YLPM1: variants seen among roughly 807,000 people sequenced by gnomAD.
YLPM1 encodes the protein YLP motif-containing protein 1.
A neutral mutation model predicts 230.0 loss-of-function variants in YLPM1; 99 were observed. The ratio of observed to expected loss-of-function variants is 0.43; its 90% CI spans 0.37 to 0.51. The LOEUF (loss-of-function observed/expected upper bound fraction) is 0.51, where lower values mean the gene tolerates loss of function less well. YLPM1 is among the 20% of genes least tolerant of loss of function. The pLI is 0.00. For synonymous variants in YLPM1, 984 were observed against 942.5 expected (o/e 1.04, Z -0.81); for missense variants, 2,592 against 2,707.7 (o/e 0.96, Z 0.95).
chr14:74,781,767 C>A lies in YLPM1; in HGVS notation c.1724C>A (p.Pro575Gln). 1 of 1,613,198 alleles carries A rather than the reference C, an allele frequency of 6.2e-7. No homozygotes were observed. Among genetic ancestry groups the A allele is most frequent in the Non-Finnish European group, 8.5e-7 (1 of 1,179,692 alleles). ...CCTTCTCTACCAACCTCTGTTCCCC[C>A]ACCAGGGATGCCTCCTTCTCTCTCT... ...MPPSLPTSVP[P>Q]PGMPPSLSSA... Residue 575 changes from proline to glutamine, a missense_variant, in exon 4 of 21, where the codon CCA becomes CAA. Around this residue, in one of 4 missense-constraint regions of YLPM1, gnomAD observed 1,862 missense variants for 1,819.8 expected, o/e 1.02. Transcript: ENST00000325680.
chr14:74,795,853 A>G (rs1464884242), intron 4 of YLPM1, among the ~76,000 whole-genome samples: 1 of 152,236 alleles, frequency 6.6e-6, no homozygotes, highest in Non-Finnish European at 1.5e-5. Flanking sequence ...TTAGAAGTTT[A>G]TTCTCTCTTA....
intron 17 of YLPM1, among the ~76,000 whole-genome samples, chr14:74,823,760 C>A (rs1271237185): frequency 6.6e-6 from 1 of 152,030 alleles, no homozygotes; most frequent in Non-Finnish European, 1.5e-5. Context: ...GCCACCAATT[C>A]TTTTCCTTTC....
intron 4 of YLPM1, among the ~76,000 whole-genome samples, chr14:74,785,490 T>C (rs2091139118): frequency 6.6e-6 from 1 of 152,178 alleles, no homozygotes. Context: ...TACCCAGGCA[T>C]AGTTCTTTTT....
chr14:74,804,245 T>C (rs2140117825), intron 6 of YLPM1, among the ~76,000 whole-genome samples: 1 of 152,356 alleles, frequency 6.6e-6, no homozygotes, highest in Non-Finnish European at 1.5e-5. Flanking sequence ...ATACTCCACT[T>C]CAGGCAGCGT....
At chr14:74,768,772 C>G (rs1198161610) in intron 1 of YLPM1, among the ~76,000 whole-genome samples, 1 of 152,176 alleles carries the variant, frequency 6.6e-6, no homozygotes, top group Non-Finnish European at 1.5e-5. Flanking sequence ...CTTCTTGTTT[C>G]AGTTGTGGGG....
In YLPM1 at chr14:74,781,935, C is replaced by T; in HGVS notation, c.1892C>T (p.Pro631Leu). 1 of 1,613,854 alleles carries T rather than the reference C, an allele frequency of 6.2e-7. No individual in the cohort carries two copies. The highest frequency in any genetic ancestry group is 1.1e-5 in the South Asian group (1 of 91,072). Reference sequence around the variant, plus strand: ...CCATTGTCTTCAGCTACACCTCCTCCAGGAATACCTCCCCCTGGAGTTCCA... The same window carrying T: ...CCATTGTCTTCAGCTACACCTCCTCTAGGAATACCTCCCCCTGGAGTTCCA... The part of the protein sequence containing the change: ...LPPLSSATPP[P>L]GIPPPGVPQG... The change falls in exon 4 of 21, where the codon CCA becomes CTA. Residue 631 changes from proline (P) to leucine (L), a missense_variant. Physicochemically the swap from Pro to Leu is moderately conservative, Grantham distance 98. Transcript: ENST00000325680.
At chr14:74,830,621 T>C (rs1203520677) in intron 19 of YLPM1, among the ~76,000 whole-genome samples, 1 of 152,102 alleles carries the variant, frequency 6.6e-6, no homozygotes, top group East Asian at 1.9e-4. Context: ...AGATAAAAGG[T>C]TTATTTTGGC....
intron 17 of YLPM1, chr14:74,824,051 C>A (rs1031978173): frequency 1.8e-6 from 1 of 559,934 alleles, no homozygotes; most frequent in Non-Finnish European, 3.2e-6. Context: ...AGTGACTACT[C>A]TGAAATGTGG....
Position 74,798,637 on chromosome 14 carries a change from C to T in YLPM1, c.3340C>T (p.Pro1114Ser). 6.2e-7 allele frequency: 1 copy of T among 1,611,830 alleles called. No homozygotes were observed. The highest frequency in any genetic ancestry group is 8.5e-7 in the Non-Finnish European group (1 of 1,178,622). Residue 1114 changes from proline to serine, a missense_variant, in exon 5 of 21, where the codon CCT becomes TCT. By Grantham distance (74) the Pro-to-Ser change is moderately conservative (BLOSUM62 -1). Coordinates refer to ENST00000325680, the MANE Select transcript of YLPM1 (RefSeq NM_019589.3). ...GAAGSRERGPPRRAGSQERGP... is the reference protein window; with the variant it reads ...GAAGSRERGPSRRAGSQERGP... The stretch of plus-strand genomic sequence containing the variant: ...AGCTGGCAGCCGAGAAAGGGGACCA[C>T]CTCGGAGGGCTGGCAGTCAGGAGAG...
At chr14:74,805,182 G>A (rs1594831439) in intron 6 of YLPM1, among the ~76,000 whole-genome samples, 2 of 151,854 alleles carry the variant, frequency 1.3e-5, no homozygotes, top group East Asian at 3.9e-4. Flanking sequence ...ACCACACCTG[G>A]CTAAATTTTT....
intron 6 of YLPM1, among the ~76,000 whole-genome samples, chr14:74,805,275 C>T (rs561673514): frequency 6.6e-6 from 1 of 152,226 alleles, no homozygotes; most frequent in African/African-American, 2.4e-5. Flanking sequence ...CCTGCCTCAG[C>T]CTCCGAAAGT....
chr14:74,778,674 G>A lies in YLPM1; in HGVS notation c.1101G>A (p.Glu367=), dbSNP rs772293785. 1 of 1,565,570 alleles carries A rather than the reference G, an allele frequency of 6.4e-7. No individual in the cohort carries two copies. The highest frequency in any genetic ancestry group is 1.4e-5 in the African/African-American group (1 of 73,178). The change falls in exon 2 of 21, where the codon GAG becomes GAA. Residue 367 remains glutamate, a synonymous_variant. Coordinates refer to ENST00000325680, the MANE Select transcript of YLPM1 (RefSeq NM_019589.3). ...AAGTGCCACCTCCTCTCCCACCTGA[G>A]GAACCCCAGGTAACCATATAATTAA... is the stretch of plus-strand genomic sequence containing the variant. ...NEEVPPPLPP[E]EPQSEDPEED... is the part of the protein sequence containing the mutation.
chr14:74,779,327 C>G lies in YLPM1; in HGVS notation c.1110+644C>G, dbSNP rs533325189. ...TACCCAGGCTATAATCCAGGTACTG[C>G]CACTTGCCAGTAGTGACTGGGCAAA... On this transcript the variant is annotated intron_variant, in intron 2 of 20. Coordinates refer to ENST00000325680, the MANE Select transcript of YLPM1 (RefSeq NM_019589.3). Among the ~76,000 whole-genome samples, 6 of 152,266 alleles carry G rather than the reference C, an allele frequency of 3.9e-5. No homozygotes were observed. The South Asian group carries it at 1.0e-3, about 26-fold the overall frequency.
chr14:74,790,907 AGTCT>A (rs2091200440), intron 4 of YLPM1, among the ~76,000 whole-genome samples: 1 of 152,196 alleles, frequency 6.6e-6, no homozygotes, highest in African/African-American at 2.4e-5. Context: ...AACGGTTTTG[AGTCT>A]GTCATTTTGT....
At chr14:74,811,375 C>G (rs2091432854) in intron 9 of YLPM1, among the ~76,000 whole-genome samples, 1 of 151,756 alleles carries the variant, frequency 6.6e-6, no homozygotes, top group Non-Finnish European at 1.5e-5. Context: ...CCCAGCTACT[C>G]AGGAGGCTGA....
intron 11 of YLPM1, among the ~76,000 whole-genome samples, chr14:74,815,972 C>A (rs570262174): frequency 1.3e-5 from 2 of 151,934 alleles, no homozygotes; most frequent in South Asian, 4.2e-4. Context: ...TTAGTTTTCA[C>A]GTATTTGTGA....
intron 4 of YLPM1, among the ~76,000 whole-genome samples, chr14:74,782,865 A>G (rs981800494): frequency 1.3e-5 from 2 of 152,156 alleles, no homozygotes; most frequent in African/African-American, 4.8e-5. Context: ...TCCTGCCCCC[A>G]TGGAGCTTAC....
At chr14:74,797,420 A>G (rs2091275426) in intron 4 of YLPM1, among the ~76,000 whole-genome samples, 160 bp from the exon 5 acceptor site, 1 of 151,930 alleles carries the variant, frequency 6.6e-6, no homozygotes, top group African/African-American at 2.4e-5. Flanking sequence ...ACCTTAACAT[A>G]CTGGTTCTAA....
intron 1 of YLPM1, among the ~76,000 whole-genome samples, chr14:74,766,636 ATTTTTTTTTT>A (rs34932979): frequency 2.7e-5 from 3 of 110,348 alleles, no homozygotes; most frequent in South Asian, 3.0e-4. Flanking sequence ...ATGCCTGGCT[ATTTTTTTTTT>A]TTTTTTTTTT....
Sources: gnomAD v4.1 joint callset for allele counts (sites outside exome capture counted in the v4.1 genomes callset) on GRCh38, gnomAD v4.1.1 for gene constraint, gnomAD v4.1.1 regional missense constraint, MANE v1.5 for transcripts, NCBI Gene and HGNC (gene_info 2026-07-23, HGNC 2026-07-21) for gene names.